The following DSCAM variants were observed in gnomAD, a reference collection of about 807,000 sequenced individuals.
The protein encoded by DSCAM is DS cell adhesion molecule.
A neutral mutation model predicts 217.7 loss-of-function variants in DSCAM; 47 were observed. The observed-to-expected ratio is 0.22, with a 90% CI of 0.17 to 0.28. The LOEUF (loss-of-function observed/expected upper bound fraction) is 0.28, where lower values mean the gene tolerates loss of function less well. DSCAM is among the 10% of genes least tolerant of loss of function. The pLI, the probability that DSCAM is intolerant of heterozygous loss-of-function variation, is 1.00. For synonymous variants in DSCAM, 1,056 were observed against 1,015.3 expected, an observed-to-expected ratio of 1.04 and a Z score of -0.76; for missense variants, 2,080 against 2,618.3, an observed-to-expected ratio of 0.79 and a Z score of 4.49.
intron 3 of DSCAM, among the ~76,000 whole-genome samples, chr21:40,589,862 T>C (rs1003390850): frequency 6.6e-6 from 1 of 152,232 alleles, no homozygotes; most frequent in Non-Finnish European, 1.5e-5. Context: ...TGGTAGCTTA[T>C]GTCTGGATAA....
intron 3 of DSCAM, among the ~76,000 whole-genome samples, chr21:40,456,791 T>C (rs768920907): frequency 2.0e-4 from 30 of 152,266 alleles, no homozygotes; most frequent in Middle Eastern, 3.4e-3. Flanking sequence ...ATCCAGGTAA[T>C]GGTTAATGGG....
chr21:40,792,809 T>C (rs769235005), intron 1 of DSCAM, among the ~76,000 whole-genome samples: 9 of 152,208 alleles, frequency 5.9e-5, no homozygotes, highest in Non-Finnish European at 1.3e-4. Context: ...ATCCGTTTTC[T>C]ACCCCTGCTG....
At chr21:40,580,191 C>G (rs2076893284) in intron 3 of DSCAM, among the ~76,000 whole-genome samples, 1 of 151,646 alleles carries the variant, frequency 6.6e-6, no homozygotes, top group Non-Finnish European at 1.5e-5. Context: ...AAGCCATTCT[C>G]CTGCCTCAGC....
chr21:40,189,002 T>A, intron 12 of DSCAM, 40 bp downstream of exon 12: 1 of 1,589,568 alleles, frequency 6.3e-7, no homozygotes, highest in Non-Finnish European at 8.6e-7. Flanking sequence ...ATTCTTCCAA[T>A]AAAGTTCATT....
Position 40,124,190 on chromosome 21 carries a change from C to A in DSCAM, c.3696+5G>T. 6.2e-7 allele frequency: 1 copy of A among 1,613,884 alleles called. No individual in the cohort carries two copies. The highest frequency in any genetic ancestry group is 1.1e-5 in the South Asian group (1 of 91,080). On this transcript the variant is annotated splice_donor_5th_base_variant and intron_variant, in intron 20 of 32. Coordinates refer to ENST00000400454, the MANE Select transcript of DSCAM (RefSeq NM_001389.5). ...TGAAAGGCACTTGGTTATTTACCAA[C>A]TTACTGTGGGATAGGGGTGGGAGCA...
At chr21:40,411,049 G>A (rs2075318238) in intron 3 of DSCAM, among the ~76,000 whole-genome samples, 1 of 152,018 alleles carries the variant, frequency 6.6e-6, no homozygotes, top group African/African-American at 2.4e-5. Flanking sequence ...TACATCATAT[G>A]TAGAAATAAA....
chr21:40,620,368 AAG>A (rs1345687501), intron 3 of DSCAM, among the ~76,000 whole-genome samples: 2 of 124,064 alleles, frequency 1.6e-5, no homozygotes, highest in Non-Finnish European at 3.4e-5. Flanking sequence ...AAAAAAGAAA[AAG>A]AAAGAAAGAA....
chr21:40,404,847 T>C (rs1439999454), intron 3 of DSCAM, among the ~76,000 whole-genome samples: 2 of 152,214 alleles, frequency 1.3e-5, no homozygotes, highest in African/African-American at 2.4e-5. Context: ...TTTGATTCAA[T>C]GGATGGATCA....
chr21:40,324,187 T>TC (rs1276619339), intron 8 of DSCAM, among the ~76,000 whole-genome samples: 1 of 150,880 alleles, frequency 6.6e-6, no homozygotes, highest in African/African-American at 2.4e-5. Flanking sequence ...ATAACTTTTT[T>TC]CCCAAAAATT....
intron 11 of DSCAM, among the ~76,000 whole-genome samples, chr21:40,226,052 C>T (rs1244689300): frequency 2.6e-5 from 4 of 152,184 alleles, no homozygotes; most frequent in East Asian, 1.9e-4. Context: ...AACTCTTGCA[C>T]GTCCACTTAT....
chr21:40,144,865 C>G lies in DSCAM; in HGVS notation c.3019-134G>C. 1 of 1,295,498 alleles carries G rather than the reference C, an allele frequency of 7.7e-7. No homozygotes were observed. The highest frequency in any genetic ancestry group is 1.1e-6 in the Non-Finnish European group (1 of 943,438). 80.3% of individuals were successfully genotyped at this position (1,295,498 alleles called of 1,614,324 possible). On this transcript the variant is annotated intron_variant, in intron 16 of 32. Transcript: ENST00000400454. This position sits in a 1 kb window ranked among gnomAD's most constrained non-coding sequence, Gnocchi z 4.8. Reference sequence around the variant, plus strand: ...CGATGCTGGGGCGGTGGTCCGGTAGCAGCCGCAAACCCACGTACAGTGCAA... The same window carrying G: ...CGATGCTGGGGCGGTGGTCCGGTAGGAGCCGCAAACCCACGTACAGTGCAA...
intron 3 of DSCAM, among the ~76,000 whole-genome samples, chr21:40,434,770 A>G (rs1196980408): frequency 6.6e-6 from 1 of 152,190 alleles, no homozygotes; most frequent in Non-Finnish European, 1.5e-5. Flanking sequence ...ATCATTATCA[A>G]TACAACATGT....
chr21:40,501,196 C>T (rs2076167870), intron 3 of DSCAM, among the ~76,000 whole-genome samples: 1 of 152,140 alleles, frequency 6.6e-6, no homozygotes, highest in Non-Finnish European at 1.5e-5. Flanking sequence ...GGAATATACT[C>T]ACACTAAATA....
chr21:40,129,777 TA>T (rs1367941003), intron 19 of DSCAM, among the ~76,000 whole-genome samples: 1 of 152,200 alleles, frequency 6.6e-6, no homozygotes, highest in African/African-American at 2.4e-5. Context: ...GCATGCAATC[TA>T]CCCCCTTTCA....
chr21:40,626,182 T>C (rs2089598520), intron 3 of DSCAM, among the ~76,000 whole-genome samples: 1 of 152,096 alleles, frequency 6.6e-6, no homozygotes, highest in Admixed American at 6.5e-5. Context: ...CAGAGGAGTG[T>C]TGCGCAACCC....
intron 11 of DSCAM, among the ~76,000 whole-genome samples, chr21:40,205,422 G>A (rs1385828260): frequency 6.6e-6 from 1 of 152,010 alleles, no homozygotes; most frequent in Non-Finnish European, 1.5e-5. Context: ...GGCCAACATG[G>A]CAAAACCCCA....
At chr21:40,297,168 G>A (rs775154406) in intron 9 of DSCAM, among the ~76,000 whole-genome samples, 4 of 152,156 alleles carry the variant, frequency 2.6e-5, no homozygotes, top group Non-Finnish European at 5.9e-5. Flanking sequence ...AAGATATTAA[G>A]TGACTGCTTA....
intron 3 of DSCAM, among the ~76,000 whole-genome samples, chr21:40,637,232 T>A (rs755447414): frequency 4.0e-4 from 2 of 4,942 alleles, no homozygotes; most frequent in African/African-American, 5.0e-3. Flanking sequence ...AATATATATA[T>A]ATAAATATAA....
At chr21:40,301,709 C>T (rs1441564857) in intron 9 of DSCAM, among the ~76,000 whole-genome samples, 26 of 135,114 alleles carry the variant, frequency 1.9e-4, no homozygotes, top group African/African-American at 1.3e-4. Flanking sequence ...GCATGCCCAG[C>T]GCACAGCACA....
Sources: allele counts gnomAD v4.1 joint callset (sites outside exome capture counted in the v4.1 genomes callset), GRCh38; gene constraint gnomAD v4.1.1; non-coding constraint Gnocchi (gnomAD v3.1); transcripts MANE v1.5; gene names NCBI Gene and HGNC (gene_info 2026-07-23, HGNC 2026-07-21).